Variants in SYNPO2 observed in about 807,000 individuals in gnomAD.
SYNPO2 encodes the protein synaptopodin 2, also known as synaptopodin-2.
In SYNPO2, 56 loss-of-function variants were observed where a neutral mutation model predicts 85.0. That is an observed-to-expected ratio of 0.66 (90% CI 0.53 to 0.82). SYNPO2 has a LOEUF of 0.82. Ranked by LOEUF, SYNPO2 falls within the 40% of genes least tolerant of loss-of-function variation. The probability of loss-of-function intolerance (pLI) is 0.00; values close to 1 mark genes in which losing one functional copy is unlikely to be tolerated. For missense variants in SYNPO2, 1,575 were observed against 1,534.2 expected, an observed-to-expected ratio of 1.03 and a Z score of -0.44; for synonymous variants, 602 against 591.1, an observed-to-expected ratio of 1.02 and a Z score of -0.27.
chr4:118,985,939 C>T (rs539517544), intron 1 of SYNPO2, among the ~76,000 whole-genome samples: 9 of 152,286 alleles, frequency 5.9e-5, no homozygotes, highest in South Asian at 2.1e-4. Context: ...TTTAGCCCTC[C>T]GATGTGAACA....
At chr4:118,923,021 T>C (rs1236112542) in intron 1 of SYNPO2, among the ~76,000 whole-genome samples, 2 of 152,146 alleles carry the variant, frequency 1.3e-5, no homozygotes, top group East Asian at 3.8e-4. Flanking sequence ...TCCATGGATA[T>C]CTATTAAAGG....
intron 1 of SYNPO2, among the ~76,000 whole-genome samples, chr4:118,960,893 G>C (rs1213838987): frequency 6.6e-6 from 1 of 152,068 alleles, no homozygotes; most frequent in African/African-American, 2.4e-5. Flanking sequence ...AGTTCATCAT[G>C]TCTGATTGGG....
intron 1 of SYNPO2, among the ~76,000 whole-genome samples, chr4:118,916,519 T>C (rs761978452): frequency 4.6e-5 from 7 of 151,382 alleles, no homozygotes; most frequent in Non-Finnish European, 1.0e-4. Flanking sequence ...GTTAGAGAAA[T>C]CTTTTGCTAC....
intron 1 of SYNPO2, among the ~76,000 whole-genome samples, chr4:118,921,665 G>A (rs935811175): frequency 6.6e-6 from 1 of 151,936 alleles, no homozygotes; most frequent in African/African-American, 2.4e-5. Context: ...CTTTAATTTG[G>A]AAAAATAGAT....
At chr4:118,983,455 A>G (rs1736106416) in intron 1 of SYNPO2, among the ~76,000 whole-genome samples, 1 of 152,066 alleles carries the variant, frequency 6.6e-6, no homozygotes, top group African/African-American at 2.4e-5. Flanking sequence ...TGAGCTACTC[A>G]TCTCCAGGTG....
At chr4:118,989,945 T>C (rs938225476) in intron 1 of SYNPO2, among the ~76,000 whole-genome samples, 1 of 152,212 alleles carries the variant, frequency 6.6e-6, no homozygotes, top group African/African-American at 2.4e-5. Flanking sequence ...AATTCAGATG[T>C]TAAATCTTTC....
upstream of SYNPO2, among the ~76,000 whole-genome samples, chr4:118,886,841 C>T (rs189902103): frequency 1.3e-5 from 2 of 152,212 alleles, no homozygotes; most frequent in Admixed American, 6.5e-5. Flanking sequence ...CTTCCAGTGC[C>T]ACAATCTCTG....
intron 1 of SYNPO2, among the ~76,000 whole-genome samples, chr4:118,923,325 T>A (rs2114462): frequency 6.6e-6 from 1 of 151,820 alleles, no homozygotes; most frequent in South Asian, 2.1e-4. Flanking sequence ...TTCCCACTTA[T>A]AAGTGGGAGC....
chr4:118,974,677 C>T (rs1030309615), intron 1 of SYNPO2, among the ~76,000 whole-genome samples: 8 of 152,108 alleles, frequency 5.3e-5, no homozygotes, highest in African/African-American at 1.9e-4. Context: ...GGTTTCTTTC[C>T]CCAGATTTTG....
chr4:119,015,463 TCAGA>T (rs1220642863), intron 1 of SYNPO2, among the ~76,000 whole-genome samples: 2 of 152,074 alleles, frequency 1.3e-5, no homozygotes, highest in East Asian at 1.9e-4. Flanking sequence ...AACAGGGCAC[TCAGA>T]CAGGTATATT....
chr4:119,040,568 A>G (rs946718985), intron 4 of SYNPO2, among the ~76,000 whole-genome samples: 21 of 152,216 alleles, frequency 1.4e-4, no homozygotes, highest in Admixed American at 4.6e-4. Context: ...TTGAGCCTCT[A>G]CTATAAAGAC....
In SYNPO2 at chr4:119,058,111, TAC is replaced by T. The variant is rs113611459; in HGVS notation, c.*195_*196del. 0.22 allele frequency: 90,758 copies of T among 415,584 alleles called. 5,926 individuals carry two copies. The highest frequency in any genetic ancestry group is 0.37 in the African/African-American group (17,714 of 48,430). The allele number at this position is 415,584 out of a possible 1,614,324, so 25.7% of individuals were successfully genotyped here. A position where few individuals can be genotyped will look rare whatever the true frequency, so the allele number is the denominator to read the frequency against. ...GTGTGTGTGTGTATGTATGTGAATA[TAC>T]ACACACACACACACACAGGTGAGTG... is the stretch of plus-strand genomic sequence containing the variant. On this transcript the variant is annotated 3_prime_UTR_variant, in exon 5 of 5. Coordinates refer to ENST00000307142, the MANE Select transcript of SYNPO2 (RefSeq NM_133477.3).
chr4:118,930,959 G>A (rs923192018), intron 1 of SYNPO2, among the ~76,000 whole-genome samples: 2 of 150,730 alleles, frequency 1.3e-5, no homozygotes, highest in African/African-American at 2.4e-5. Flanking sequence ...TTGAGGAGAG[G>A]GAAATATCTC....
intron 1 of SYNPO2, among the ~76,000 whole-genome samples, chr4:118,939,879 CTG>C (rs1467960535): frequency 3.3e-5 from 5 of 151,994 alleles, no homozygotes; most frequent in Non-Finnish European, 7.4e-5. Context: ...ACTTTTTGAA[CTG>C]TGTTTTGTTA....
At chr4:119,043,836 G>A (rs1008763182) in intron 4 of SYNPO2, 1 of 150,596 alleles carries the variant, frequency 6.6e-6, no homozygotes, top group African/African-American at 2.4e-5. Context: ...TACCCGGCAG[G>A]GTGAGGCAGG....
intron 1 of SYNPO2, among the ~76,000 whole-genome samples, chr4:118,936,857 C>T (rs1171551964): frequency 6.6e-6 from 1 of 152,156 alleles, no homozygotes. Context: ...GGAAGTTGAG[C>T]AGTGGTTTAA....
At chr4:118,887,675 G>A (rs1732229921), upstream of SYNPO2, among the ~76,000 whole-genome samples, 4 of 152,190 alleles carry the variant, frequency 2.6e-5, no homozygotes, top group South Asian at 8.3e-4. Context: ...GTTTGGTGAT[G>A]TCTTTGTGAC....
chr4:118,939,925 G>T (rs1191918978), intron 1 of SYNPO2, among the ~76,000 whole-genome samples: 1 of 151,562 alleles, frequency 6.6e-6, no homozygotes, highest in Admixed American at 6.6e-5. Context: ...GCACTAAAGG[G>T]CATTAGAGTG....
chr4:118,975,707 A>T (rs1434829740), intron 1 of SYNPO2, among the ~76,000 whole-genome samples: 1 of 152,244 alleles, frequency 6.6e-6, no homozygotes, highest in East Asian at 1.9e-4. Context: ...ACAAGGCAGA[A>T]GCCTAATCAT....
Sources: gnomAD v4.1 joint callset for allele counts (sites outside exome capture counted in the v4.1 genomes callset) on GRCh38, gnomAD v4.1.1 for gene constraint, MANE v1.5 for transcripts, NCBI Gene and HGNC (gene_info 2026-07-23, HGNC 2026-07-21) for gene names.